Variants in SMIM14 observed in about 807,000 individuals in gnomAD.
The protein encoded by SMIM14 is chromosome 4 open reading frame 34.
In SMIM14, 5 loss-of-function variants were observed where a neutral mutation model predicts 12.6. The observed-to-expected ratio is 0.40, with a 90% CI of 0.21 to 0.83. The LOEUF is 0.83. Ranked by LOEUF, SMIM14 falls within the 40% of genes least tolerant of loss-of-function variation. The pLI is 0.37. For missense variants in SMIM14, 86 were observed against 119.1 expected (o/e 0.72, Z 1.29); for synonymous variants, 30 against 40.1 (o/e 0.75, Z 0.95).
At chr4:39,624,830 A>AAC (rs1553867142) in intron 1 of SMIM14, among the ~76,000 whole-genome samples, 2 of 151,446 alleles carry the variant, frequency 1.3e-5, no homozygotes, top group African/African-American at 4.9e-5. Flanking sequence ...AAAAAAAAAA[A>AAC]AAAACTTCCT....
At chr4:39,580,099 T>C (rs1560291236) in intron 2 of SMIM14, among the ~76,000 whole-genome samples, 1 of 152,306 alleles carries the variant, frequency 6.6e-6, no homozygotes, top group East Asian at 1.9e-4. Flanking sequence ...GATGTTCTTC[T>C]TTCTCATTCA....
At chr4:39,630,683 G>C (rs1267955012) in intron 1 of SMIM14, among the ~76,000 whole-genome samples, 3 of 152,066 alleles carry the variant, frequency 2.0e-5, no homozygotes, top group Admixed American at 6.6e-5. Context: ...CCAATATGGT[G>C]AAACCCCATC....
chr4:39,615,346 A>G (rs899512990), intron 1 of SMIM14, among the ~76,000 whole-genome samples: 2 of 152,236 alleles, frequency 1.3e-5, no homozygotes, highest in Admixed American at 1.3e-4. Flanking sequence ...AAAAATATTT[A>G]CTTAAAAAAT....
chr4:39,619,745 T>TATAATTTATTATATATATATCAATAA (rs1346835173), intron 1 of SMIM14, among the ~76,000 whole-genome samples: 3 of 94,934 alleles, frequency 3.2e-5, no homozygotes, highest in Non-Finnish European at 6.4e-5. Flanking sequence ...TATCAATAAA[T>TATAATTTATTATATATATATCAATAA]ATAATTTATT....
chr4:39,621,832 T>C (rs6818448), intron 1 of SMIM14, among the ~76,000 whole-genome samples: 2,028 of 149,156 alleles, frequency 0.014, 23 homozygotes, highest in Non-Finnish European at 0.02. Context: ...CGGAGGCGCA[T>C]GTTATCATGC....
chr4:39,626,439 G>T (rs1416649043), intron 1 of SMIM14, among the ~76,000 whole-genome samples: 1 of 152,200 alleles, frequency 6.6e-6, no homozygotes, highest in Non-Finnish European at 1.5e-5. Flanking sequence ...GGCTCTGAAA[G>T]CTTCAGTAAT....
chr4:39,574,328 A>G (rs1713059396), intron 2 of SMIM14, among the ~76,000 whole-genome samples: 1 of 147,178 alleles, frequency 6.8e-6, no homozygotes, highest in Non-Finnish European at 1.5e-5. Flanking sequence ...ATCTCGGCTC[A>G]CTGCAACCTC....
chr4:39,596,529 A>G (rs1714371810), intron 2 of SMIM14, among the ~76,000 whole-genome samples: 1 of 152,214 alleles, frequency 6.6e-6, no homozygotes. Flanking sequence ...ACACCTGGGA[A>G]AACTAACTTA....
intron 2 of SMIM14, among the ~76,000 whole-genome samples, chr4:39,577,739 T>C (rs1182009374): frequency 6.6e-6 from 1 of 152,088 alleles, no homozygotes; most frequent in Admixed American, 6.6e-5. Flanking sequence ...CTTTCAGTTT[T>C]AAATGAAAAA....
At chr4:39,562,647 C>T (rs1458294973) in intron 3 of SMIM14, among the ~76,000 whole-genome samples, 1 of 151,840 alleles carries the variant, frequency 6.6e-6, no homozygotes, top group African/African-American at 2.4e-5. Flanking sequence ...TGCTGCCATG[C>T]CCAATTAATT....
At chr4:39,579,843 C>CAAAAAAAAA (rs528601041) in intron 2 of SMIM14, among the ~76,000 whole-genome samples, 1 of 123,932 alleles carries the variant, frequency 8.1e-6, no homozygotes, top group Non-Finnish European at 1.6e-5. Flanking sequence ...GACTCCGTCT[C>CAAAAAAAAA]AAAAAAAAAA....
At chr4:39,553,778 G>C (rs1711859885) in intron 4 of SMIM14, among the ~76,000 whole-genome samples, 2 of 151,792 alleles carry the variant, frequency 1.3e-5, no homozygotes. Context: ...ACTTTTAATA[G>C]AGACGGAGTT....
At chr4:39,569,669 G>A (rs995403268) in intron 3 of SMIM14, among the ~76,000 whole-genome samples, 24 of 152,004 alleles carry the variant, frequency 1.6e-4, no homozygotes, top group Non-Finnish European at 2.6e-4. Context: ...CCTGGGTGGC[G>A]GAGGTTGCAG....
intron 2 of SMIM14, among the ~76,000 whole-genome samples, chr4:39,595,461 A>G (rs1437882041): frequency 6.7e-6 from 1 of 150,058 alleles, no homozygotes; most frequent in African/African-American, 2.4e-5. Flanking sequence ...GCTAAATGAC[A>G]AGTTAATGGG....
chr4:39,570,455 G>C (rs974175774), intron 3 of SMIM14, among the ~76,000 whole-genome samples: 3 of 152,088 alleles, frequency 2.0e-5, no homozygotes, highest in Admixed American at 1.3e-4. Context: ...CACCGTGCCC[G>C]GCAATCTATC....
chr4:39,553,654 C>T (rs1434688818), intron 4 of SMIM14, among the ~76,000 whole-genome samples: 2 of 147,780 alleles, frequency 1.4e-5, no homozygotes, highest in Admixed American at 6.8e-5. Flanking sequence ...AGTGCAATGG[C>T]GCCATCTCAG....
chr4:39,584,480 T>TAAAAAAA (rs1713674375), intron 2 of SMIM14, among the ~76,000 whole-genome samples: 1 of 5,990 alleles, frequency 1.7e-4, no homozygotes, highest in Non-Finnish European at 1.1e-3. Context: ...AGACACTGTC[T>TAAAAAAA]CAAAAAAAAA....
chr4:39,635,430 A>C (rs1212185598), intron 1 of SMIM14, among the ~76,000 whole-genome samples: 1 of 152,158 alleles, frequency 6.6e-6, no homozygotes, highest in Admixed American at 6.5e-5. Context: ...ATTTTAAAGG[A>C]TCTCTTAGGC....
At chr4:39,619,333 T>G (rs1209319788) in intron 1 of SMIM14, among the ~76,000 whole-genome samples, 2 of 68,044 alleles carry the variant, frequency 2.9e-5, no homozygotes, top group East Asian at 1.1e-3. Context: ...ATTTATTCTA[T>G]ATATCAATAA....
Sources: allele counts gnomAD v4.1 joint callset (sites outside exome capture counted in the v4.1 genomes callset), GRCh38; gene constraint gnomAD v4.1.1; transcripts MANE v1.5; gene names NCBI Gene and HGNC (gene_info 2026-07-23, HGNC 2026-07-21).